The following EGF variants were observed in gnomAD, a reference collection of about 807,000 sequenced individuals.
EGF encodes the protein epidermal growth factor.
Under a neutral mutation model 143.8 loss-of-function variants are expected in EGF, and 95 were observed. That is an observed-to-expected ratio of 0.66 (90% CI 0.56 to 0.78). The LOEUF (loss-of-function observed/expected upper bound fraction) is 0.78. Ranked by LOEUF, EGF falls within the 30% of genes least tolerant of loss-of-function variation. The pLI, the probability that EGF is intolerant of heterozygous loss-of-function variation, is 0.00. For missense variants in EGF, 1,320 were observed against 1,470.9 expected, an observed-to-expected ratio of 0.90 and a Z score of 1.68; for synonymous variants, 510 against 510.5, an observed-to-expected ratio of 1.00 and a Z score of 0.01.
At chr4:109,972,250 C>T (rs761640778) in intron 11 of EGF, among the ~76,000 whole-genome samples, 3 of 152,288 alleles carry the variant, frequency 2.0e-5, no homozygotes, top group Admixed American at 1.3e-4. Context: ...TCACTACCAA[C>T]ACTGGAGTTT....
At chr4:109,973,900 A>G (rs1748057415) in intron 11 of EGF, among the ~76,000 whole-genome samples, 1 of 152,226 alleles carries the variant, frequency 6.6e-6, no homozygotes, top group Non-Finnish European at 1.5e-5. Flanking sequence ...AAGATTAGCA[A>G]GTAATATTTC....
At position 110,007,060 on chromosome 4, in the gene EGF, C is replaced by T. The variant is rs114901262; in HGVS notation, c.3292-1092C>T. On this transcript the variant is annotated intron_variant, in intron 22 of 23. Coordinates refer to ENST00000265171, the MANE Select transcript of EGF (RefSeq NM_001963.6). ...GCATGTGTCTTTAAACAGTGGGTTG[C>T]GTGTTGATTTTGCAGTGTGTTGCTG... Among the ~76,000 whole-genome samples, 945 of 152,162 alleles carry T rather than the reference C, an allele frequency of 6.2e-3. 13 individuals are homozygous for T. Among genetic ancestry groups the T allele is most frequent in the African/African-American group, 0.022 (907 of 41,500 alleles).
intron 8 of EGF, among the ~76,000 whole-genome samples, chr4:109,962,617 T>C (rs887798039): frequency 6.6e-6 from 1 of 152,132 alleles, no homozygotes; most frequent in Admixed American, 6.5e-5. Flanking sequence ...CCTGAACTCA[T>C]TGGTAGAATA....
At chr4:109,925,539 G>A (rs1044424812) in intron 1 of EGF, among the ~76,000 whole-genome samples, 1 of 152,152 alleles carries the variant, frequency 6.6e-6, no homozygotes, top group African/African-American at 2.4e-5. Flanking sequence ...ACACGGAGAG[G>A]TTAAGTCATG....
chr4:109,996,576 T>C (rs2126162916), intron 20 of EGF, among the ~76,000 whole-genome samples: 1 of 152,332 alleles, frequency 6.6e-6, no homozygotes, highest in Non-Finnish European at 1.5e-5. Context: ...CTCTAGGAAG[T>C]GCTTTACCCA....
intron 1 of EGF, among the ~76,000 whole-genome samples, chr4:109,919,466 A>G (rs988463195): frequency 3.3e-5 from 5 of 152,140 alleles, no homozygotes; most frequent in Non-Finnish European, 4.4e-5. Flanking sequence ...CTTGATGGAC[A>G]TAAGTCATAA....
intron 16 of EGF, among the ~76,000 whole-genome samples, chr4:109,987,477 G>T (rs1750307755): frequency 1.3e-5 from 2 of 152,080 alleles, no homozygotes; most frequent in South Asian, 2.1e-4. Context: ...ATGTTGCCCA[G>T]GCTGGTCTCG....
chr4:109,927,500 G>A (rs1231911803), intron 1 of EGF, among the ~76,000 whole-genome samples: 2 of 151,936 alleles, frequency 1.3e-5, no homozygotes, highest in East Asian at 1.9e-4. Context: ...CGAGGCAGGC[G>A]GATCACGAGG....
intron 5 of EGF, among the ~76,000 whole-genome samples, chr4:109,957,026 C>T (rs1438044048): frequency 1.3e-5 from 2 of 152,134 alleles, no homozygotes; most frequent in Non-Finnish European, 2.9e-5. Context: ...TTTACCAAAT[C>T]AGAATCTCTA....
At chr4:109,935,415 G>C (rs939773336) in intron 1 of EGF, among the ~76,000 whole-genome samples, 1 of 152,134 alleles carries the variant, frequency 6.6e-6, no homozygotes, top group East Asian at 1.9e-4. Context: ...TATCCTGAGA[G>C]TTTGCTGAAG....
intron 5 of EGF, among the ~76,000 whole-genome samples, chr4:109,945,653 G>A (rs190374008): frequency 5.6e-4 from 86 of 152,262 alleles, no homozygotes; most frequent in African/African-American, 1.9e-3. Context: ...GGAGAAATCC[G>A]GGGAATGAAT....
chr4:109,979,926 T>G, intron 13 of EGF, 46 bp from the exon 14 acceptor site: 1 of 1,608,822 alleles, frequency 6.2e-7, no homozygotes, highest in Non-Finnish European at 8.5e-7. Flanking sequence ...AAATAGTCAT[T>G]GCAAAGACAA....
At chr4:110,008,059 A>C in intron 22 of EGF, 93 bp from the exon 23 acceptor site, 1 of 1,167,044 alleles carries the variant, frequency 8.6e-7, no homozygotes, top group Non-Finnish European at 1.3e-6. Flanking sequence ...CATAGGATGA[A>C]CATCGTAAAG....
intron 21 of EGF, chr4:110,001,531 A>G (rs1029893515): frequency 2.9e-6 from 2 of 693,474 alleles, no homozygotes; most frequent in Non-Finnish European, 3.5e-6. Context: ...AAAGGGCAGG[A>G]AAAAAAAATG....
chr4:109,989,349 G>A (rs749787151), intron 18 of EGF, among the ~76,000 whole-genome samples: 13 of 152,142 alleles, frequency 8.5e-5, no homozygotes, highest in Non-Finnish European at 1.8e-4. Flanking sequence ...ATCGCATCAC[G>A]TACAAGTGAA....
At chr4:109,969,511 G>A (rs941930436) in intron 11 of EGF, among the ~76,000 whole-genome samples, 1 of 152,042 alleles carries the variant, frequency 6.6e-6, no homozygotes, top group Non-Finnish European at 1.5e-5. Context: ...TAGATGACGG[G>A]TTGATGGGTG....
chr4:109,970,450 CA>C (rs760355144), intron 11 of EGF, among the ~76,000 whole-genome samples: 1 of 152,122 alleles, frequency 6.6e-6, no homozygotes, highest in African/African-American at 2.4e-5. Context: ...TCAGCAGTTT[CA>C]ACACAGAGGG....
chr4:109,963,368 T>A lies in EGF; in HGVS notation c.1438+70T>A, dbSNP rs192894154. The stretch of plus-strand genomic sequence containing the variant: ...CATGAAAATCTTTTGTTTAGAAAGA[T>A]GGAAAGTTAACTGCTTATGGTTTTG... On this transcript the variant is annotated intron_variant, in intron 9 of 23. Transcript: ENST00000265171. The A allele has an allele frequency of 1.3e-3, 2,156 of 1,605,522 alleles. 6 individuals are homozygous for A. The highest frequency in any genetic ancestry group is 9.2e-4 in the Non-Finnish European group (1,081 of 1,172,940).
In EGF at chr4:109,962,003, A is replaced by G; in HGVS notation, c.1312+18A>G. The G allele has an allele frequency of 1.9e-6, 3 of 1,613,160 alleles. No individual in the cohort carries two copies. The East Asian group carries it at 6.7e-5, about 36-fold the overall frequency. ...ATGTAGCGGTGAGTTTATTTGCTTT[A>G]TTTACCTTTTGTTTGTTTGAAAACA... On this transcript the variant is annotated intron_variant, in intron 8 of 23. Transcript: ENST00000265171.
Sources: allele counts gnomAD v4.1 joint callset (sites outside exome capture counted in the v4.1 genomes callset), GRCh38; gene constraint gnomAD v4.1.1; transcripts MANE v1.5; gene names NCBI Gene and HGNC (gene_info 2026-07-23, HGNC 2026-07-21).